Variants in KCNH1 observed in about 807,000 individuals in gnomAD.
The protein encoded by KCNH1 is voltage-gated delayed rectifier potassium channel KCNH1.
Under a neutral mutation model 69.2 loss-of-function variants are expected in KCNH1, and 27 were observed. The ratio of observed to expected loss-of-function variants is 0.39; its 90% CI spans 0.29 to 0.54. The LOEUF (loss-of-function observed/expected upper bound fraction) is 0.54, where lower values mean the gene tolerates loss of function less well. Ranked by LOEUF, KCNH1 falls within the 20% of genes least tolerant of loss-of-function variation. The pLI, the probability that KCNH1 is intolerant of heterozygous loss-of-function variation, is 0.68. For missense variants in KCNH1, 798 were observed against 1,261.6 expected, an observed-to-expected ratio of 0.63 and a Z score of 5.57; for synonymous variants, 456 against 487.7, an observed-to-expected ratio of 0.93 and a Z score of 0.86.
intron 10 of KCNH1, among the ~76,000 whole-genome samples, chr1:210,727,172 T>C (rs1232147180): frequency 6.6e-6 from 1 of 152,188 alleles, no homozygotes. Flanking sequence ...CAGACAGAGA[T>C]GTGTATTTCA....
chr1:211,002,533 T>C (rs562046541), intron 6 of KCNH1, among the ~76,000 whole-genome samples: 248 of 152,140 alleles, frequency 1.6e-3, no homozygotes, highest in African/African-American at 5.7e-3. Flanking sequence ...GTTCAGATTA[T>C]GGAGTTATTG....
chr1:211,031,266 A>C (rs1396369962), intron 5 of KCNH1, among the ~76,000 whole-genome samples: 1 of 152,128 alleles, frequency 6.6e-6, no homozygotes, highest in East Asian at 1.9e-4. Context: ...TTATCAACCA[A>C]AAAAAGTCCA....
In KCNH1 at chr1:211,107,396, A is replaced by C; in HGVS notation, c.80-19T>G. On this transcript the variant is annotated intron_variant, in intron 1 of 10. Coordinates refer to ENST00000271751, the MANE Select transcript of KCNH1 (RefSeq NM_172362.3). ...TTAGTATCTGTTAAAAAAAAAAAAA[A>C]GGGAAAAAAGGGCACATGAGGCAAC... 1 of 1,292,258 alleles carries C rather than the reference A, an allele frequency of 7.7e-7. No individual in the cohort carries two copies. Among genetic ancestry groups the C allele is most frequent in the Non-Finnish European group, 1.1e-6 (1 of 932,052 alleles). The allele number at this position is 1,292,258 out of a possible 1,614,324, so 80.0% of individuals were successfully genotyped here.
intron 7 of KCNH1, among the ~76,000 whole-genome samples, chr1:210,890,714 T>C (rs1322752064): frequency 6.6e-6 from 1 of 151,084 alleles, no homozygotes; most frequent in Non-Finnish European, 1.5e-5. Flanking sequence ...AAAAACCCCA[T>C]CAAAAAGTGG....
chr1:211,083,550 G>A (rs1690896136), intron 4 of KCNH1, among the ~76,000 whole-genome samples: 1 of 152,100 alleles, frequency 6.6e-6, no homozygotes, highest in African/African-American at 2.4e-5. Flanking sequence ...ACCTTTTAAA[G>A]GCCCCCAAAG....
chr1:210,749,068 G>T (rs1274987853), intron 10 of KCNH1, among the ~76,000 whole-genome samples: 2 of 152,156 alleles, frequency 1.3e-5, no homozygotes, highest in Non-Finnish European at 1.5e-5. Context: ...GCTTTCGGTA[G>T]CCAGGTTTGG....
chr1:210,815,588 A>T (rs1218371309), intron 7 of KCNH1, among the ~76,000 whole-genome samples: 1 of 151,932 alleles, frequency 6.6e-6, no homozygotes, highest in Non-Finnish European at 1.5e-5. Context: ...TTTTATCACC[A>T]CCGCCCCACT....
At chr1:210,780,772 G>A (rs1346149564) in intron 9 of KCNH1, among the ~76,000 whole-genome samples, 1 of 152,226 alleles carries the variant, frequency 6.6e-6, no homozygotes, top group Non-Finnish European at 1.5e-5. Context: ...CCATGGCCGG[G>A]CGCGGTGGCT....
chr1:210,879,326 A>G (rs893983405), intron 7 of KCNH1, among the ~76,000 whole-genome samples: 3 of 152,074 alleles, frequency 2.0e-5, no homozygotes, highest in African/African-American at 7.2e-5. Flanking sequence ...GTACACTTCT[A>G]TATCTCTCAT....
intron 9 of KCNH1, among the ~76,000 whole-genome samples, chr1:210,784,619 C>T (rs1401234474): frequency 1.3e-5 from 2 of 152,160 alleles, no homozygotes; most frequent in African/African-American, 2.4e-5. Flanking sequence ...CACTCTACTT[C>T]TCTAAAGGGC....
intron 6 of KCNH1, among the ~76,000 whole-genome samples, chr1:210,987,637 T>A (rs907395835): frequency 2.6e-5 from 4 of 152,190 alleles, no homozygotes; most frequent in Admixed American, 2.0e-4. Flanking sequence ...TGATCGTTCC[T>A]CTGGAAGTTT....
At chr1:210,739,744 T>C (rs896814672) in intron 10 of KCNH1, among the ~76,000 whole-genome samples, 2 of 152,218 alleles carry the variant, frequency 1.3e-5, no homozygotes, top group Non-Finnish European at 2.9e-5. Context: ...TTAGCTAAAC[T>C]GAATTTTCAG....
chr1:210,709,738 GAGA>G (rs777514042), intron 10 of KCNH1, among the ~76,000 whole-genome samples: 50 of 73,892 alleles, frequency 6.8e-4, no homozygotes, highest in Admixed American at 6.5e-4. Flanking sequence ...GAGAGAGAGA[GAGA>G]AAGAGAGAGA....
chr1:210,737,588 A>C (rs1682911944), intron 10 of KCNH1, among the ~76,000 whole-genome samples: 1 of 152,106 alleles, frequency 6.6e-6, no homozygotes, highest in African/African-American at 2.4e-5. Context: ...GTTAGCCCAG[A>C]ACTCCCCTTT....
At chr1:210,987,487 G>T (rs763289832) in intron 6 of KCNH1, among the ~76,000 whole-genome samples, 1 of 152,194 alleles carries the variant, frequency 6.6e-6, no homozygotes, top group Non-Finnish European at 1.5e-5. Context: ...CTGTTTGTTA[G>T]TTTTCCTTCT....
chr1:210,904,325 G>A (rs1359763416), intron 7 of KCNH1, among the ~76,000 whole-genome samples: 1 of 152,132 alleles, frequency 6.6e-6, no homozygotes, highest in Non-Finnish European at 1.5e-5. Flanking sequence ...TCCTTCTTGG[G>A]CTCTGTCCCC....
chr1:210,764,748 C>T (rs911486324), intron 10 of KCNH1, among the ~76,000 whole-genome samples: 2 of 152,138 alleles, frequency 1.3e-5, no homozygotes, highest in South Asian at 4.1e-4. Flanking sequence ...GGAATGCTTA[C>T]ATACTGTTGG....
chr1:211,085,922 C>G (rs1690944343), intron 4 of KCNH1, among the ~76,000 whole-genome samples: 1 of 152,174 alleles, frequency 6.6e-6, no homozygotes, highest in African/African-American at 2.4e-5. Context: ...TCATTTTCCG[C>G]ATGATTCATC....
At chr1:210,756,809 T>G (rs1250029118) in intron 10 of KCNH1, among the ~76,000 whole-genome samples, 1 of 152,188 alleles carries the variant, frequency 6.6e-6, no homozygotes, top group Non-Finnish European at 1.5e-5. Flanking sequence ...TGGCCTACCC[T>G]GAAAGTCTGA....
Sources: allele counts gnomAD v4.1 joint callset (sites outside exome capture counted in the v4.1 genomes callset), GRCh38; gene constraint gnomAD v4.1.1; transcripts MANE v1.5; gene names NCBI Gene and HGNC (gene_info 2026-07-23, HGNC 2026-07-21).